Variants in NALF1 observed in about 807,000 individuals in gnomAD.
NALF1 encodes family with sequence similarity 155 member A.
In NALF1, 3 loss-of-function variants were observed where a neutral mutation model predicts 48.4. The ratio of observed to expected loss-of-function variants is 0.06; its 90% CI spans 0.03 to 0.16. NALF1 has a LOEUF of 0.16. Among genes scored for constraint, NALF1 ranks in the 10% least tolerant of loss-of-function variants. The pLI is 1.00. For missense variants in NALF1, 526 were observed against 571.5 expected (o/e 0.92, Z 0.81); for synonymous variants, 262 against 245.7 (o/e 1.07, Z -0.62).
At chr13:107,810,410 T>A (rs1878952248) in intron 1 of NALF1, among the ~76,000 whole-genome samples, 2 of 152,022 alleles carry the variant, frequency 1.3e-5, no homozygotes, top group Non-Finnish European at 2.9e-5. Flanking sequence ...TCGGGCACCA[T>A]TCCTCTTTTC....
intron 1 of NALF1, among the ~76,000 whole-genome samples, chr13:107,787,644 A>G (rs894604488): frequency 2.0e-5 from 3 of 152,236 alleles, no homozygotes; most frequent in Non-Finnish European, 4.4e-5. Flanking sequence ...CTAGTATATC[A>G]TTTATTCTAG....
intron 1 of NALF1, among the ~76,000 whole-genome samples, chr13:107,535,643 C>T (rs1235896996): frequency 1.3e-5 from 2 of 152,028 alleles, no homozygotes; most frequent in Admixed American, 6.6e-5. Context: ...TGAAAATGGC[C>T]GTACTGCCCA....
chr13:107,174,230 G>A (rs933438929), intron 2 of NALF1, among the ~76,000 whole-genome samples: 24 of 152,238 alleles, frequency 1.6e-4, no homozygotes, highest in Non-Finnish European at 2.9e-4. Context: ...TGCATTCCTA[G>A]TTGTCTGCAC....
intron 1 of NALF1, among the ~76,000 whole-genome samples, chr13:107,712,924 A>C (rs1348178448): frequency 6.6e-6 from 1 of 152,212 alleles, no homozygotes; most frequent in Non-Finnish European, 1.5e-5. Context: ...ACTGAGTCTG[A>C]GGGTCCACCA....
intron 1 of NALF1, among the ~76,000 whole-genome samples, chr13:107,231,881 C>A (rs1880234060): frequency 6.6e-6 from 1 of 152,152 alleles, no homozygotes; most frequent in African/African-American, 2.4e-5. Context: ...TCCCTAGGAG[C>A]AGGAAAGTTT....
intron 1 of NALF1, among the ~76,000 whole-genome samples, chr13:107,470,426 C>T (rs1885081378): frequency 6.6e-6 from 1 of 152,174 alleles, no homozygotes; most frequent in Non-Finnish European, 1.5e-5. Context: ...CAGTCAGACA[C>T]ATTTGTTCAT....
At chr13:107,315,388 T>C (rs1302890168) in intron 1 of NALF1, among the ~76,000 whole-genome samples, 1 of 152,084 alleles carries the variant, frequency 6.6e-6, no homozygotes, top group Non-Finnish European at 1.5e-5. Flanking sequence ...AAAACGCTGC[T>C]TTTCAGTGGG....
At chr13:107,513,886 G>A (rs1470213956) in intron 1 of NALF1, among the ~76,000 whole-genome samples, 1 of 152,200 alleles carries the variant, frequency 6.6e-6, no homozygotes, top group Non-Finnish European at 1.5e-5. Flanking sequence ...GTTTTTCAAA[G>A]ACAAAAGGTA....
chr13:107,509,158 A>G (rs183852885), intron 1 of NALF1, among the ~76,000 whole-genome samples: 1 of 152,254 alleles, frequency 6.6e-6, no homozygotes, highest in African/African-American at 2.4e-5. Flanking sequence ...TTGAGATTCT[A>G]CTGTTAGCTT....
At chr13:107,547,244 G>T (rs1877159953) in intron 1 of NALF1, among the ~76,000 whole-genome samples, 1 of 152,070 alleles carries the variant, frequency 6.6e-6, no homozygotes, top group Admixed American at 6.6e-5. Context: ...CTGTGACAGA[G>T]GGTGAAAAAG....
intron 1 of NALF1, among the ~76,000 whole-genome samples, chr13:107,781,652 C>G (rs1877891476): frequency 1.3e-5 from 2 of 151,716 alleles, no homozygotes; most frequent in African/African-American, 4.8e-5. Context: ...TGCCAGCTTA[C>G]TAGATCACAT....
At chr13:107,779,542 C>G (rs773434952) in intron 1 of NALF1, among the ~76,000 whole-genome samples, 3 of 152,170 alleles carry the variant, frequency 2.0e-5, no homozygotes, top group Non-Finnish European at 2.9e-5. Context: ...TCCTCCTATT[C>G]CTCCACTTGA....
chr13:107,299,576 T>C (rs1881799067), intron 1 of NALF1, among the ~76,000 whole-genome samples: 1 of 151,592 alleles, frequency 6.6e-6, no homozygotes, highest in Admixed American at 6.6e-5. Context: ...TAAGTGGATC[T>C]TTCCTGCAGC....
intron 1 of NALF1, among the ~76,000 whole-genome samples, chr13:107,371,994 G>A (rs931292981): frequency 3.3e-5 from 5 of 152,084 alleles, no homozygotes; most frequent in African/African-American, 1.2e-4. Flanking sequence ...CTCCCACCCC[G>A]AAGAGGCCGT....
At chr13:107,623,929 G>C (rs1879599116) in intron 1 of NALF1, among the ~76,000 whole-genome samples, 1 of 152,168 alleles carries the variant, frequency 6.6e-6, no homozygotes, top group Admixed American at 6.5e-5. Context: ...CAAGACAGTG[G>C]ATGAAAGTGT....
chr13:107,809,281 C>T (rs1878912421), intron 1 of NALF1, among the ~76,000 whole-genome samples: 1 of 151,934 alleles, frequency 6.6e-6, no homozygotes, highest in Non-Finnish European at 1.5e-5. Context: ...CTGTTTTAAC[C>T]ATCTGTCTTC....
At position 107,170,305 on chromosome 13, in the gene NALF1, T is replaced by C; in HGVS notation, c.*192A>G. The C allele has an allele frequency of 3.7e-6, 2 of 537,772 alleles. No individual in the cohort carries two copies. Among genetic ancestry groups the C allele is most frequent in the Non-Finnish European group, 6.5e-6 (2 of 305,376 alleles). The allele number at this position is 537,772 out of a possible 1,614,324, so 33.3% of individuals were successfully genotyped here. A position where few individuals can be genotyped will look rare whatever the true frequency, so the allele number is the denominator to read the frequency against. ...TGGTGTGAGAAATTTAAAGTCACTT[T>C]CCAGCCTTTTAGTCAATAAAAAGCT... On this transcript the variant is annotated 3_prime_UTR_variant, in exon 3 of 3. Coordinates refer to ENST00000375915, the MANE Select transcript of NALF1 (RefSeq NM_001080396.3).
chr13:107,708,102 A>G (rs1337887663), intron 1 of NALF1, among the ~76,000 whole-genome samples: 1 of 151,438 alleles, frequency 6.6e-6, no homozygotes, highest in Non-Finnish European at 1.5e-5. Context: ...ATAATTTTTT[A>G]TATCAAGGTA....
intron 1 of NALF1, among the ~76,000 whole-genome samples, chr13:107,677,995 C>A (rs1008530421): frequency 3.3e-5 from 5 of 152,104 alleles, no homozygotes; most frequent in Non-Finnish European, 7.4e-5. Flanking sequence ...TTTGAAAAAA[C>A]TTCTATATAA....
Sources: gnomAD v4.1 joint callset for allele counts (sites outside exome capture counted in the v4.1 genomes callset) on GRCh38, gnomAD v4.1.1 for gene constraint, MANE v1.5 for transcripts, NCBI Gene and HGNC (gene_info 2026-07-23, HGNC 2026-07-21) for gene names.